The following MAP2K5 variants were observed in gnomAD, a reference collection of about 807,000 sequenced individuals.
MAP2K5 encodes dual specificity mitogen-activated protein kinase kinase 5.
Under a neutral mutation model 83.1 loss-of-function variants are expected in MAP2K5, and 49 were observed. The ratio of observed to expected loss-of-function variants is 0.59; its 90% confidence interval spans 0.47 to 0.75. The LOEUF (loss-of-function observed/expected upper bound fraction) is 0.75, where lower values mean the gene tolerates loss of function less well. MAP2K5 is among the 30% of genes least tolerant of loss of function. The probability of loss-of-function intolerance (pLI) is 0.00; values close to 1 mark genes in which losing one functional copy is unlikely to be tolerated. For missense variants in MAP2K5, 457 were observed against 557.5 expected (o/e 0.82, Z 1.82); for synonymous variants, 202 against 191.8 (o/e 1.05, Z -0.44).
chr15:67,654,483 T>C (rs1005229676), intron 11 of MAP2K5, among the ~76,000 whole-genome samples: 42 of 152,312 alleles, frequency 2.8e-4, no homozygotes, highest in African/African-American at 9.9e-4. Context: ...AAATCAATTC[T>C]GCCAATCTCT....
At position 67,772,769 on chromosome 15, in the gene MAP2K5, A is replaced by C; in HGVS notation, c.1242+17A>C. On this transcript the variant is annotated intron_variant, in intron 21 of 21. Transcript: ENST00000178640. ...GAATTGATGGTAAGTGAATGTTTTT[A>C]GTTACATTAGAATTCTCAGTTATAT... is the stretch of plus-strand genomic sequence containing the variant. 1 of 1,589,744 alleles carries C rather than the reference A, an allele frequency of 6.3e-7. No individual in the cohort carries two copies.
intron 21 of MAP2K5, among the ~76,000 whole-genome samples, chr15:67,804,819 C>T (rs1489981513): frequency 1.3e-5 from 2 of 152,208 alleles, no homozygotes; most frequent in South Asian, 4.1e-4. Flanking sequence ...GAAGTGTGCA[C>T]GCTTGGACTT....
intron 21 of MAP2K5, among the ~76,000 whole-genome samples, chr15:67,805,608 G>A (rs966415826): frequency 6.6e-6 from 1 of 152,202 alleles, no homozygotes; most frequent in African/African-American, 2.4e-5. Context: ...GAGAGCTGGG[G>A]GGAGCGAGGA....
In MAP2K5 at chr15:67,561,481, T is replaced by C. The variant is rs1466701066; in HGVS notation, c.185-1802T>C. 6.6e-6 allele frequency among the ~76,000 whole-genome samples: 1 copy of C among 152,194 alleles called. No homozygotes were observed. The highest frequency in any genetic ancestry group is 1.5e-5 in the Non-Finnish European group (1 of 68,042). Reference sequence around the variant, plus strand: ...ACTGTGCCTTCTTCATTACTGCAAGTGACCAGTGTATGCCTTTTACTCTGA... The same window carrying C: ...ACTGTGCCTTCTTCATTACTGCAAGCGACCAGTGTATGCCTTTTACTCTGA... On this transcript the variant is annotated intron_variant, in intron 2 of 21. Transcript: ENST00000178640. This position sits in a 1 kb window ranked among gnomAD's most constrained non-coding sequence, Gnocchi z 4.2.
At chr15:67,714,897 C>T (rs2088793484) in intron 16 of MAP2K5, among the ~76,000 whole-genome samples, 1 of 152,132 alleles carries the variant, frequency 6.6e-6, no homozygotes, top group East Asian at 1.9e-4. Context: ...TATTTCTGGT[C>T]CCAGGTAGTT....
At chr15:67,643,995 A>C (rs1390078931) in intron 9 of MAP2K5, among the ~76,000 whole-genome samples, 4 of 152,218 alleles carry the variant, frequency 2.6e-5, no homozygotes, top group Admixed American at 2.0e-4. Context: ...TATCATAGTA[A>C]TTCTGAATGT....
chr15:67,640,682 C>A lies in MAP2K5; in HGVS notation c.586-5549C>A. 1 of 616,504 alleles carries A rather than the reference C, an allele frequency of 1.6e-6. No homozygotes were observed. The highest frequency in any genetic ancestry group is 2.0e-6 in the Non-Finnish European group (1 of 492,802). The allele number at this position is 616,504 out of a possible 1,614,324, so 38.2% of individuals were successfully genotyped here. A position where few individuals can be genotyped will look rare whatever the true frequency, so the allele number is the denominator to read the frequency against. On this transcript the variant is annotated intron_variant, in intron 9 of 21. Coordinates refer to ENST00000178640, the MANE Select transcript of MAP2K5 (RefSeq NM_145160.3). The surrounding 1 kb of genome is among the most constrained non-coding windows in gnomAD (Gnocchi z 4.6). ...CACAATTAGATGAGTCCTTGAAAAT[C>A]TGTTGCTTTTCCTACTCAAAATGTT...
Position 67,576,349 on chromosome 15 carries a change from G to A in MAP2K5, c.253-4405G>A, listed in dbSNP as rs772569131. 1.6e-4 allele frequency among the ~76,000 whole-genome samples: 23 copies of A among 147,904 alleles called. 3 individuals are homozygous for A. Among genetic ancestry groups the A allele is most frequent in the Non-Finnish European group, 3.0e-4 (20 of 66,526 alleles). On this transcript the variant is annotated intron_variant, in intron 3 of 21. Transcript: ENST00000178640. ...AATTATTGATTGAATTGTGCCATTA[G>A]CATTAGAATTAGATTTATAACAAAT...
chr15:67,547,835 T>C (rs1379173868), intron 1 of MAP2K5, among the ~76,000 whole-genome samples: 1 of 152,212 alleles, frequency 6.6e-6, no homozygotes, highest in Non-Finnish European at 1.5e-5. Context: ...CGCTTGGAAA[T>C]AAGTCACTTT....
chr15:67,590,456 T>TCTCC (rs2085379913), intron 6 of MAP2K5, among the ~76,000 whole-genome samples: 1 of 96,396 alleles, frequency 1.0e-5, no homozygotes, highest in Non-Finnish European at 2.2e-5. Context: ...CCTCTCTCTC[T>TCTCC]CTCTCTCTCT....
intron 17 of MAP2K5, among the ~76,000 whole-genome samples, chr15:67,742,665 CTG>C (rs1173847129): frequency 6.6e-6 from 1 of 152,218 alleles, no homozygotes; most frequent in Admixed American, 6.5e-5. Context: ...TTAATGGACT[CTG>C]TGGACAGACC....
chr15:67,629,509 C>T (rs1196349975), intron 8 of MAP2K5, among the ~76,000 whole-genome samples: 1 of 151,892 alleles, frequency 6.6e-6, no homozygotes, highest in East Asian at 1.9e-4. Flanking sequence ...TTCTGCTAAA[C>T]AGCAGAAAAT....
At chr15:67,590,611 C>G (rs1379270309) in intron 6 of MAP2K5, among the ~76,000 whole-genome samples, 1 of 152,024 alleles carries the variant, frequency 6.6e-6, no homozygotes, top group Non-Finnish European at 1.5e-5. Flanking sequence ...TGCCGCCATG[C>G]CTGGCTAAGT....
Position 67,543,398 on chromosome 15 carries a change from C to G in MAP2K5, c.63C>G (p.Ile21Met). Residue 21 changes from isoleucine to methionine, a missense_variant, in exon 1 of 22, where the codon ATC becomes ATG. Physicochemically the swap from Ile to Met is conservative, Grantham distance 10. Transcript: ENST00000178640. This position sits in a 1 kb window ranked among gnomAD's most constrained non-coding sequence, Gnocchi z 4.3. Reference protein sequence around the residue: ...AMENQVLVIRIKIPNSGAVDW... With the variant: ...AMENQVLVIRMKIPNSGAVDW... ...AGAACCAGGTGCTGGTAATTCGCAT[C>G]AAGATCCCAAATAGTGGCGCGGTGG... is the stretch of plus-strand genomic sequence containing the variant. 3.7e-6 allele frequency: 6 copies of G among 1,614,184 alleles called. No individual in the cohort carries two copies. The highest frequency in any genetic ancestry group is 5.1e-6 in the Non-Finnish European group (6 of 1,180,032).
At chr15:67,615,489 T>C (rs1256388708) in intron 8 of MAP2K5, among the ~76,000 whole-genome samples, 1 of 152,210 alleles carries the variant, frequency 6.6e-6, no homozygotes, top group African/African-American at 2.4e-5. Flanking sequence ...TTATCTATTA[T>C]GGAAGGCAAC....
chr15:67,768,830 T>C lies in MAP2K5; in HGVS notation c.1135-772T>C, dbSNP rs1056019481. The stretch of plus-strand genomic sequence containing the variant: ...ACACAGTGGCGCTCTCTGTCATTCT[T>C]GGAAAAACTCCTAAATTCTTAAAGC... On this transcript the variant is annotated intron_variant, in intron 19 of 21. Coordinates refer to ENST00000178640, the MANE Select transcript of MAP2K5 (RefSeq NM_145160.3). The surrounding 1 kb of genome is among the most constrained non-coding windows in gnomAD (Gnocchi z 4.0). Among the ~76,000 whole-genome samples the C allele has an allele frequency of 3.9e-5, 6 of 152,204 alleles. No homozygotes were observed. Among genetic ancestry groups the C allele is most frequent in the African/African-American group, 1.4e-4 (6 of 41,448 alleles).
intron 16 of MAP2K5, among the ~76,000 whole-genome samples, chr15:67,706,319 T>C (rs2088553055): frequency 1.3e-5 from 2 of 152,218 alleles, no homozygotes; most frequent in Admixed American, 6.5e-5. Flanking sequence ...TTGAATATTC[T>C]GTGGAGGACT....
intron 12 of MAP2K5, chr15:67,659,198 G>T: frequency 5.7e-6 from 1 of 175,926 alleles, no homozygotes. Flanking sequence ...TTACTATAAT[G>T]TTCTCATAAG....
At chr15:67,613,270 A>G (rs962878903) in intron 8 of MAP2K5, among the ~76,000 whole-genome samples, 2 of 152,242 alleles carry the variant, frequency 1.3e-5, no homozygotes, top group Non-Finnish European at 2.9e-5. Flanking sequence ...TTGCTAAGGT[A>G]TCTTGCAAAT....
Sources: allele counts gnomAD v4.1 joint callset (sites outside exome capture counted in the v4.1 genomes callset), GRCh38; gene constraint gnomAD v4.1.1; non-coding constraint Gnocchi (gnomAD v3.1); transcripts MANE v1.5; gene names NCBI Gene and HGNC (gene_info 2026-07-23, HGNC 2026-07-21).